LMOD1: variants seen among roughly 807,000 people sequenced by gnomAD.
LMOD1 encodes the protein leiomodin 1.
A neutral mutation model predicts 36.5 loss-of-function variants in LMOD1; 8 were observed. The observed-to-expected ratio is 0.22, with a 90% CI of 0.13 to 0.40. The LOEUF (loss-of-function observed/expected upper bound fraction) is 0.40. Among genes scored for constraint, LMOD1 ranks in the 10% least tolerant of loss-of-function variants. The pLI is 1.00. For missense variants in LMOD1, 630 were observed against 751.1 expected (o/e 0.84, Z 1.88); for synonymous variants, 284 against 288.7 (o/e 0.98, Z 0.17).
chr1:201,946,239 C>T lies in LMOD1; in HGVS notation c.102G>A (p.Lys34=), dbSNP rs767677320. 9 of 1,613,952 alleles carry T rather than the reference C, an allele frequency of 5.6e-6. No individual in the cohort carries two copies. The highest frequency in any genetic ancestry group is 5.1e-6 in the Non-Finnish European group (6 of 1,179,910). ...CGTCTGGGTCCACCACGTCCAGCTC[C>T]TTCTCCAGCTCCTCCATCTCCTCGG... ...LSPEEMEELE[K]ELDVVDPDGS... The change falls in exon 1 of 3, where the codon AAG becomes AAA. Residue 34 remains lysine (K), a synonymous_variant. Coordinates refer to ENST00000367288, the MANE Select transcript of LMOD1 (RefSeq NM_012134.3).
chr1:201,936,298 A>G (rs1178297117), intron 1 of LMOD1, among the ~76,000 whole-genome samples: 1 of 152,008 alleles, frequency 6.6e-6, no homozygotes. Context: ...CAGTCTGTTT[A>G]TCTGAAAGCT....
At chr1:201,929,195 T>C (rs1322931854) in intron 1 of LMOD1, among the ~76,000 whole-genome samples, 3 of 151,846 alleles carry the variant, frequency 2.0e-5, no homozygotes, top group African/African-American at 7.3e-5. Flanking sequence ...CTCTGCCTCC[T>C]GGGTTCAAGT....
chr1:201,923,547 C>A (rs1681742389), intron 1 of LMOD1, among the ~76,000 whole-genome samples: 1 of 151,842 alleles, frequency 6.6e-6, no homozygotes, highest in Non-Finnish European at 1.5e-5. Flanking sequence ...ATAGTGAGAC[C>A]CTGTCTATTG....
chr1:201,942,459 T>G (rs1275183955), intron 1 of LMOD1, among the ~76,000 whole-genome samples: 2 of 152,094 alleles, frequency 1.3e-5, no homozygotes, highest in Non-Finnish European at 2.9e-5. Context: ...GGGTGGAATA[T>G]TCATGAAAAA....
chr1:201,903,833 T>G (rs112730148), intron 1 of LMOD1, among the ~76,000 whole-genome samples: 4 of 152,226 alleles, frequency 2.6e-5, no homozygotes, highest in Non-Finnish European at 5.9e-5. Context: ...CACTGTGCAC[T>G]GCATAGCTTC....
At chr1:201,941,669 T>C (rs1682119881) in intron 1 of LMOD1, among the ~76,000 whole-genome samples, 1 of 152,178 alleles carries the variant, frequency 6.6e-6, no homozygotes, top group Non-Finnish European at 1.5e-5. Context: ...CACTGAGCTG[T>C]GAACTAGAAC....
chr1:201,901,554 ATATATATATG>A (rs1558234675), intron 1 of LMOD1, among the ~76,000 whole-genome samples: 3 of 29,406 alleles, frequency 1.0e-4, no homozygotes, highest in African/African-American at 1.5e-4. Flanking sequence ...ATATATATAC[ATATATATATG>A]TATATATATA....
At chr1:201,938,861 A>G (rs996753357) in intron 1 of LMOD1, among the ~76,000 whole-genome samples, 5 of 152,146 alleles carry the variant, frequency 3.3e-5, no homozygotes, top group Admixed American at 6.5e-5. Flanking sequence ...AGTTCTCCCA[A>G]AGCAGCCTTG....
chr1:201,913,186 T>G (rs1326015239), intron 1 of LMOD1, among the ~76,000 whole-genome samples: 1 of 152,160 alleles, frequency 6.6e-6, no homozygotes. Flanking sequence ...ACTGAGCAGC[T>G]GGAAAGAAGT....
intron 1 of LMOD1, among the ~76,000 whole-genome samples, chr1:201,901,662 A>G (rs796715267): frequency 2.5e-4 from 25 of 100,064 alleles, no homozygotes; most frequent in African/African-American, 4.0e-4. Flanking sequence ...ATATATGTGT[A>G]TATATATATA....
Position 201,899,684 on chromosome 1 carries a change from C to T in LMOD1, c.1329G>A (p.Glu443=), listed in dbSNP as rs1171091983. 1 of 1,614,022 alleles carries T rather than the reference C, an allele frequency of 6.2e-7. No homozygotes were observed. Among genetic ancestry groups the T allele is most frequent in the South Asian group, 1.1e-5 (1 of 91,070 alleles). ...TEMEIAKLLK[E]NTTLLKLGYH... is the part of the protein sequence containing the mutation. ...AGCCCAGCTTGAGCAGGGTAGTATTCTCCTTCAGCAGCTTGGCGATCTCCA... is the reference window on the plus strand; with the variant it reads ...AGCCCAGCTTGAGCAGGGTAGTATTTTCCTTCAGCAGCTTGGCGATCTCCA... Residue 443 remains glutamate, a synonymous_variant, in exon 2 of 3, where the codon GAG becomes GAA. Transcript: ENST00000367288. The surrounding 1 kb of genome is among the most constrained non-coding windows in gnomAD (Gnocchi z 6.3).
Position 201,897,439 on chromosome 1 carries a change from C to T in LMOD1, c.*933G>A, listed in dbSNP as rs2102906168. 1 of 153,442 alleles carries T rather than the reference C, an allele frequency of 6.5e-6. No homozygotes were observed. Among genetic ancestry groups the T allele is most frequent in the South Asian group, 2.1e-4 (1 of 4,848 alleles). The allele number at this position is 153,442 out of a possible 1,614,324, so 9.5% of individuals were successfully genotyped here. A position where few individuals can be genotyped will look rare whatever the true frequency, so the allele number is the denominator to read the frequency against. On this transcript the variant is annotated 3_prime_UTR_variant, in exon 3 of 3. Transcript: ENST00000367288. ...CCTAGTAGAGGCCTGGCCTTCTAGA[C>T]CTGGACAACCAGGTCAGTGGAGAGT...
At chr1:201,931,661 C>G (rs973379346) in intron 1 of LMOD1, among the ~76,000 whole-genome samples, 11 of 151,862 alleles carry the variant, frequency 7.2e-5, no homozygotes, top group Admixed American at 2.6e-4. Flanking sequence ...ACATTTTCAT[C>G]TGATGGCTTC....
intron 1 of LMOD1, among the ~76,000 whole-genome samples, chr1:201,939,611 T>C (rs1682080342): frequency 6.6e-6 from 1 of 152,128 alleles, no homozygotes; most frequent in Admixed American, 6.5e-5. Flanking sequence ...ACAAAAGTGG[T>C]CCAATAAATA....
At chr1:201,924,323 CA>C (rs758572161) in intron 1 of LMOD1, among the ~76,000 whole-genome samples, 16,650 of 39,930 alleles carry the variant, frequency 0.42, 3,141 homozygotes, top group East Asian at 0.78. Context: ...GACTCTGTCT[CA>C]AAAAAAAAAA....
chr1:201,898,368 G>A lies in LMOD1; in HGVS notation c.*4C>T. The A allele has an allele frequency of 1.9e-6, 3 of 1,612,658 alleles. No homozygotes were observed. The highest frequency in any genetic ancestry group is 2.5e-6 in the Non-Finnish European group (3 of 1,179,428). Reference sequence around the variant, plus strand: ...ATTGGCAGATGGTGCCTGGCAGCCTGGTCCTACTGAAGCAGTTTGGGCACT... The same window carrying A: ...ATTGGCAGATGGTGCCTGGCAGCCTAGTCCTACTGAAGCAGTTTGGGCACT... On this transcript the variant is annotated 3_prime_UTR_variant, in exon 3 of 3. Transcript: ENST00000367288.
chr1:201,926,160 A>G (rs1054208414), intron 1 of LMOD1, among the ~76,000 whole-genome samples: 5 of 152,222 alleles, frequency 3.3e-5, no homozygotes, highest in African/African-American at 1.2e-4. Context: ...TCTGCTTGGC[A>G]GATGGTCCAA....
intron 1 of LMOD1, among the ~76,000 whole-genome samples, chr1:201,930,802 T>C (rs1681904999): frequency 6.6e-6 from 1 of 152,094 alleles, no homozygotes; most frequent in South Asian, 2.1e-4. Context: ...CAGAGGAGAT[T>C]AAGAAGGAAC....
chr1:201,933,214 G>A (rs1283984173), intron 1 of LMOD1, among the ~76,000 whole-genome samples: 1 of 152,062 alleles, frequency 6.6e-6, no homozygotes, highest in Non-Finnish European at 1.5e-5. Flanking sequence ...AGGAGTTCAG[G>A]ACCAGCCTGG....
Sources: gnomAD v4.1 joint callset for allele counts (sites outside exome capture counted in the v4.1 genomes callset) on GRCh38, gnomAD v4.1.1 for gene constraint, Gnocchi (gnomAD v3.1) non-coding constraint, MANE v1.5 for transcripts, NCBI Gene and HGNC (gene_info 2026-07-23, HGNC 2026-07-21) for gene names.